The following RIPOR2 variants were observed in gnomAD, a reference collection of about 807,000 sequenced individuals.
RIPOR2 encodes the protein rho family-interacting cell polarization regulator 2.
RIPOR2 carries 39 observed loss-of-function variants against 114.5 expected under a neutral mutation model. That is an observed-to-expected ratio of 0.34 (90% CI 0.26 to 0.44). The LOEUF (loss-of-function observed/expected upper bound fraction) is 0.44, where lower values mean the gene tolerates loss of function less well. Ranked by LOEUF, RIPOR2 falls within the 20% of genes least tolerant of loss-of-function variation. The pLI is 1.00. For synonymous variants in RIPOR2, 445 were observed against 484.4 expected, an observed-to-expected ratio of 0.92 and a Z score of 1.07; for missense variants, 1,007 against 1,255.1, an observed-to-expected ratio of 0.80 and a Z score of 2.99.
At chr6:24,819,630 C>CAGCCTCCCGAGTAGCAG (rs61344808) in intron 19 of RIPOR2, among the ~76,000 whole-genome samples, 42,341 of 143,942 alleles carry the variant, frequency 0.29, 7,308 homozygotes, top group East Asian at 0.68. Flanking sequence ...TCTCCTACCT[C>CAGCCTCCCGAGTAGCAG]GATTACAGGT....
At chr6:24,884,292 C>T (rs1265732738) in intron 1 of RIPOR2, among the ~76,000 whole-genome samples, 2 of 152,006 alleles carry the variant, frequency 1.3e-5, no homozygotes, top group Admixed American at 1.3e-4. Context: ...GCCTGTAGTC[C>T]CAGCTACTCG....
At chr6:24,992,776 G>A (rs1774879880) in intron 1 of RIPOR2, among the ~76,000 whole-genome samples, 1 of 152,134 alleles carries the variant, frequency 6.6e-6, no homozygotes, top group African/African-American at 2.4e-5. Flanking sequence ...TAAGCAAAAA[G>A]AATAAAGCTG....
At chr6:24,856,097 T>C (rs369097928) in intron 8 of RIPOR2, among the ~76,000 whole-genome samples, 3 of 152,006 alleles carry the variant, frequency 2.0e-5, no homozygotes, top group Admixed American at 6.6e-5. Context: ...ACCTGACTTA[T>C]AAACGTTGCG....
At chr6:24,942,940 G>T (rs1772214596) in intron 1 of RIPOR2, among the ~76,000 whole-genome samples, 2 of 152,204 alleles carry the variant, frequency 1.3e-5, no homozygotes, top group South Asian at 4.1e-4. Context: ...TGTCAAATTT[G>T]GCTTTTGTTG....
At chr6:24,896,073 G>C (rs927169939) in intron 1 of RIPOR2, among the ~76,000 whole-genome samples, 1 of 152,144 alleles carries the variant, frequency 6.6e-6, no homozygotes, top group Non-Finnish European at 1.5e-5. Context: ...AAGGAGCCCC[G>C]TGTCAGGATT....
At position 24,828,177 on chromosome 6, in the gene RIPOR2, G is replaced by A; in HGVS notation, c.2625C>T (p.Val875=). The change falls in exon 18 of 22, where the codon GTC becomes GTT. Residue 875 remains valine (V), a synonymous_variant. Coordinates refer to ENST00000643898, the MANE Select transcript of RIPOR2 (RefSeq NM_001286445.3). The part of the protein sequence containing the change: ...QYYSYFTSHG[V]SDLESYLSQL... Reference sequence around the variant, plus strand: ...GGCTCAGGTAACTCTCCAGGTCACTGACGCCGTGGCTGGTGAAGTAACTGT... The same window carrying A: ...GGCTCAGGTAACTCTCCAGGTCACTAACGCCGTGGCTGGTGAAGTAACTGT... The A allele has an allele frequency of 6.4e-7, 1 of 1,550,566 alleles. No homozygotes were observed. The highest frequency in any genetic ancestry group is 8.7e-7 in the Non-Finnish European group (1 of 1,146,304).
rs79290877 is a variant in RIPOR2, at chr6:24,935,524, T to C, written c.61+314A>G. On this transcript the variant is annotated intron_variant, in intron 1 of 21. Transcript: ENST00000643898. ...CTGTGACAGGCTTTCCTTAAGGTGTTAGACAAGAGATAGCACAGAAGAGAG... is the reference window on the plus strand; with the variant it reads ...CTGTGACAGGCTTTCCTTAAGGTGTCAGACAAGAGATAGCACAGAAGAGAG... Among the ~76,000 whole-genome samples the C allele has an allele frequency of 1.5e-4, 23 of 152,262 alleles. 1 individual carries two copies. The East Asian group carries it at 3.5e-3, about 23-fold the overall frequency.
chr6:24,989,538 G>A (rs767905110), intron 1 of RIPOR2, among the ~76,000 whole-genome samples: 1 of 151,532 alleles, frequency 6.6e-6, no homozygotes, highest in African/African-American at 2.4e-5. Flanking sequence ...CTGGTGATCC[G>A]CCCACCTCGG....
In RIPOR2 at chr6:24,917,094, C is replaced by A. The variant is rs945814849; in HGVS notation, c.61+18744G>T. On this transcript the variant is annotated intron_variant, in intron 1 of 21. Coordinates refer to ENST00000643898, the MANE Select transcript of RIPOR2 (RefSeq NM_001286445.3). Reference sequence around the variant, plus strand: ...CATATTTACATATAGAGATCATTTTCTGCAATAATATAATCTAGGCCAACA... The same window carrying A: ...CATATTTACATATAGAGATCATTTTATGCAATAATATAATCTAGGCCAACA... Among the ~76,000 whole-genome samples the A allele has an allele frequency of 6.6e-5, 10 of 152,056 alleles. No homozygotes were observed. In the South Asian group the frequency reaches 1.0e-3, roughly 16 times the overall value.
chr6:24,900,879 G>A (rs557777904), intron 1 of RIPOR2, among the ~76,000 whole-genome samples: 1 of 152,240 alleles, frequency 6.6e-6, no homozygotes, highest in East Asian at 1.9e-4. Context: ...TTTAAGAGAC[G>A]GGGTTGTCAA....
At chr6:24,840,828 A>G (rs2113720066) in intron 13 of RIPOR2, 2 of 1,511,834 alleles carry the variant, frequency 1.3e-6, no homozygotes, top group East Asian at 2.5e-5. Flanking sequence ...CTGATGCTTT[A>G]ATTCTGGCTG....
chr6:24,929,448 C>T (rs1335932249), intron 1 of RIPOR2: 6 of 152,184 alleles, frequency 3.9e-5, no homozygotes, highest in Non-Finnish European at 8.8e-5. Context: ...CTGGACCATA[C>T]TGAATGATGA....
At position 24,902,118 on chromosome 6, in the gene RIPOR2, C is replaced by T. The variant is rs78779861; in HGVS notation, c.62-26301G>A. On this transcript the variant is annotated intron_variant, in intron 1 of 21. Transcript: ENST00000643898. ...AAAGGAAAGACCAGCAGTCAACTGG[C>T]TGGAGGAAGTAAGGGATCGCCAGTT... is the stretch of plus-strand genomic sequence containing the variant. Among the ~76,000 whole-genome samples the T allele has an allele frequency of 8.5e-3, 1,292 of 152,208 alleles. 6 individuals carry two copies. The highest frequency in any genetic ancestry group is 0.017 in the Middle Eastern group (5 of 292).
intron 11 of RIPOR2, among the ~76,000 whole-genome samples, chr6:24,849,490 C>A (rs981705776): frequency 2.0e-5 from 3 of 151,956 alleles, no homozygotes; most frequent in African/African-American, 4.8e-5. Flanking sequence ...AGGACATATG[C>A]CCTTATATAT....
At chr6:24,955,253 C>T (rs1351136353) in intron 1 of RIPOR2, among the ~76,000 whole-genome samples, 1 of 152,098 alleles carries the variant, frequency 6.6e-6, no homozygotes, top group African/African-American at 2.4e-5. Flanking sequence ...ACCATAGTCC[C>T]AAGAGCCAGA....
chr6:25,005,692 GAGATATATATAT>G (rs1775520029), intron 1 of RIPOR2, among the ~76,000 whole-genome samples: 1 of 45,588 alleles, frequency 2.2e-5, no homozygotes, highest in Admixed American at 2.8e-4. Flanking sequence ...AATCCCTATG[GAGATATATATAT>G]ATATATATAT....
chr6:24,968,240 T>C (rs780470557), intron 1 of RIPOR2, among the ~76,000 whole-genome samples: 4 of 152,224 alleles, frequency 2.6e-5, no homozygotes, highest in Non-Finnish European at 5.9e-5. Context: ...AACTTTTATA[T>C]GTTGCACTTT....
At chr6:24,979,839 A>G (rs938336720) in intron 1 of RIPOR2, among the ~76,000 whole-genome samples, 1 of 152,190 alleles carries the variant, frequency 6.6e-6, no homozygotes, top group Non-Finnish European at 1.5e-5. Context: ...TGCCTTTGTA[A>G]GTAACCAGTC....
At chr6:24,987,431 T>C (rs1774578473) in intron 1 of RIPOR2, among the ~76,000 whole-genome samples, 2 of 152,342 alleles carry the variant, frequency 1.3e-5, no homozygotes, top group East Asian at 3.9e-4. Context: ...GAAAATTACC[T>C]TGATGCAACA....
Sources: allele counts gnomAD v4.1 joint callset (sites outside exome capture counted in the v4.1 genomes callset), GRCh38; gene constraint gnomAD v4.1.1; transcripts MANE v1.5; gene names NCBI Gene and HGNC (gene_info 2026-07-23, HGNC 2026-07-21).